The following SEMA4C variants were observed in gnomAD, a reference collection of about 807,000 sequenced individuals.
SEMA4C encodes the protein semaphorin 4C, also known as semaphorin-4C.
SEMA4C carries 19 observed loss-of-function variants against 89.0 expected under a neutral mutation model. The observed-to-expected ratio is 0.21, with a 90% CI of 0.15 to 0.31. The LOEUF is 0.31. SEMA4C is among the 10% of genes least tolerant of loss of function. SEMA4C has a pLI of 1.00. For missense variants in SEMA4C, 811 were observed against 1,107.0 expected, an observed-to-expected ratio of 0.73 and a Z score of 3.79; for synonymous variants, 428 against 472.7, an observed-to-expected ratio of 0.91 and a Z score of 1.23.
chr2:96,862,279 C>T (rs563744252), intron 12 of SEMA4C: 8 of 191,948 alleles, frequency 4.2e-5, no homozygotes, highest in African/African-American at 6.9e-5. Flanking sequence ...CCTGTTTCAA[C>T]GGTGGATGCC....
chr2:96,867,134 T>C (rs1215974340), intron 2 of SEMA4C, among the ~76,000 whole-genome samples: 1 of 152,138 alleles, frequency 6.6e-6, no homozygotes, highest in African/African-American at 2.4e-5. Flanking sequence ...TGCCGACCTG[T>C]CCTCAGGGTC....
Position 96,865,780 on chromosome 2 carries a change from T to G in SEMA4C, c.322-16A>C, listed in dbSNP as rs750587765. On this transcript the variant is annotated splice_polypyrimidine_tract_variant and intron_variant, in intron 4 of 14. Coordinates refer to ENST00000305476, the MANE Select transcript of SEMA4C (RefSeq NM_017789.5). ...AGCACTCGGTCTGGGGGCAGAAAGG[T>G]GTCCGGTTAGTGAGAGCGCGAGGGC... 2 of 1,613,826 alleles carry G rather than the reference T, an allele frequency of 1.2e-6. No individual in the cohort carries two copies. Among genetic ancestry groups the G allele is most frequent in the Admixed American group, 3.3e-5 (2 of 59,996 alleles).
At position 96,864,269 on chromosome 2, in the gene SEMA4C, G is replaced by C. The variant is rs530092585; in HGVS notation, c.1076C>G (p.Thr359Ser). 154 of 1,614,038 alleles carry C rather than the reference G, an allele frequency of 9.5e-5. No homozygotes were observed. The South Asian group carries it at 1.4e-3, about 15-fold the overall frequency. The change falls in exon 10 of 15, where the codon ACT (threonine) becomes AGT (serine). Residue 359 changes from threonine (T) to serine (S), a missense_variant. Physicochemically the swap from Thr to Ser is moderately conservative, Grantham distance 58. Transcript: ENST00000305476. This position sits in a 1 kb window ranked among gnomAD's most constrained non-coding sequence, Gnocchi z 6.3. ...AGGCCGAGGGCTGGGTACAGGGTCA[G>C]TGTAGCGGTCCCACTTCTGGGCTTC... is the stretch of plus-strand genomic sequence containing the variant. ...HEEAQKWDRY[T>S]DPVPSPRPGS...
At chr2:96,868,187 C>G (rs1389465966) in intron 1 of SEMA4C, among the ~76,000 whole-genome samples, 3 of 152,246 alleles carry the variant, frequency 2.0e-5, no homozygotes, top group African/African-American at 7.2e-5. Context: ...CCAGACCCAC[C>G]ACTACCTCTG....
intron 2 of SEMA4C, chr2:96,866,644 G>T (rs1282423365): frequency 2.8e-6 from 2 of 707,538 alleles, no homozygotes; most frequent in Admixed American, 4.0e-5. Flanking sequence ...GCAAATCCAG[G>T]CTGCTGGGAG....
chr2:96,865,727 T>C lies in SEMA4C; in HGVS notation c.359A>G (p.Tyr120Cys). 1 of 1,613,968 alleles carries C rather than the reference T, an allele frequency of 6.2e-7. No homozygotes were observed. Among genetic ancestry groups the C allele is most frequent in the Non-Finnish European group, 8.5e-7 (1 of 1,179,984 alleles). ...ACAGACGTACAGGTGGGAGGCATTG[T>C]AGGGCTGCAGGAAGCGGATGAAGTT... ...CFNFIRFLQP[Y>C]NASHLYVCGT... The change falls in exon 5 of 15, where the codon TAC becomes TGC. Residue 120 changes from tyrosine (Y) to cysteine (C), a missense_variant. This residue lies in a region of SEMA4C where 119 missense variants were observed against 152.7 expected (regional missense o/e 0.78). Coordinates refer to ENST00000305476, the MANE Select transcript of SEMA4C (RefSeq NM_017789.5).
Position 96,870,065 on chromosome 2 carries a change from C to G in SEMA4C, c.-227G>C, listed in dbSNP as rs1335647353. The G allele has an allele frequency of 1.0e-6, 1 of 977,072 alleles. No homozygotes were observed. The highest frequency in any genetic ancestry group is 1.8e-5 in the African/African-American group (1 of 57,090). 60.5% of individuals were successfully genotyped at this position (977,072 alleles called of 1,614,324 possible). On this transcript the variant is annotated 5_prime_UTR_variant, in exon 1 of 15. Transcript: ENST00000305476. ...GGGCTCCCCGCGCCACCACGGCGGGCGCCGGCTCTTTCTCCAGCGCGGCCG... is the reference window on the plus strand; with the variant it reads ...GGGCTCCCCGCGCCACCACGGCGGGGGCCGGCTCTTTCTCCAGCGCGGCCG...
intron 1 of SEMA4C, chr2:96,868,780 C>T (rs1306756462): frequency 2.0e-6 from 2 of 985,156 alleles, no homozygotes; most frequent in East Asian, 1.1e-4. Context: ...GGGTTCCTCC[C>T]GGGCCGCTGG....
chr2:96,863,441 T>C (rs1251682607), intron 12 of SEMA4C: 3 of 1,292,856 alleles, frequency 2.3e-6, no homozygotes, highest in Non-Finnish European at 3.0e-6. Flanking sequence ...GGCTTGATGC[T>C]GGGAGCGCAG....
Position 96,860,804 on chromosome 2 carries a change from C to A in SEMA4C, c.2324G>T (p.Arg775Leu). Residue 775 changes from arginine to leucine, a missense_variant, in exon 15 of 15, where the codon CGG becomes CTG. Arg to Leu is a moderately radical substitution (Grantham distance 102, BLOSUM62 -2). This residue lies in a region of SEMA4C where 248 missense variants were observed against 269.0 expected (regional missense o/e 0.92). Coordinates refer to ENST00000305476, the MANE Select transcript of SEMA4C (RefSeq NM_017789.5). The part of the protein sequence containing the change: ...IPGQPLPSPT[R>L]LHLGGGRNSN... ...GTTCCGCCCACCCCCCAGGTGAAGC[C>A]GAGTTGGAGAAGGCAGAGGCTGGCC... 1 of 1,613,780 alleles carries A rather than the reference C, an allele frequency of 6.2e-7. No homozygotes were observed. The highest frequency in any genetic ancestry group is 1.1e-5 in the South Asian group (1 of 91,084).
chr2:96,861,619 C>T lies in SEMA4C; in HGVS notation c.1632G>A (p.Ser544=), dbSNP rs759106820. 5.7e-6 allele frequency: 9 copies of T among 1,578,372 alleles called. No homozygotes were observed. Among genetic ancestry groups the T allele is most frequent in the South Asian group, 2.3e-5 (2 of 86,034 alleles). ...GGAGGTTGCAGATGCCTGAAGTGTC[C>T]GAGGTCATCACATGCTGGATCAGTA... ...GSLLIQHVMT[S]DTSGICNLRG... The change falls in exon 14 of 15, where the codon TCG becomes TCA. Residue 544 remains serine (S), a synonymous_variant. Coordinates refer to ENST00000305476, the MANE Select transcript of SEMA4C (RefSeq NM_017789.5). This position sits in a 1 kb window ranked among gnomAD's most constrained non-coding sequence, Gnocchi z 7.8.
chr2:96,860,564 T>A lies in SEMA4C; in HGVS notation c.*62A>T. On this transcript the variant is annotated 3_prime_UTR_variant, in exon 15 of 15. Coordinates refer to ENST00000305476, the MANE Select transcript of SEMA4C (RefSeq NM_017789.5). ...CGTGCCATGTCCCTGAGGTAGCTGG[T>A]GCCTGTGCAAAAGTAGGAGCTACAC... 1 of 1,440,168 alleles carries A rather than the reference T, an allele frequency of 6.9e-7. No individual in the cohort carries two copies. The highest frequency in any genetic ancestry group is 9.5e-7 in the Non-Finnish European group (1 of 1,051,958). The allele number at this position is 1,440,168 out of a possible 1,614,324, so 89.2% of individuals were successfully genotyped here. A position where few individuals can be genotyped will look rare whatever the true frequency, so the allele number is the denominator to read the frequency against.
upstream of SEMA4C, chr2:96,870,299 G>A: frequency 1.0e-6 from 1 of 985,506 alleles, no homozygotes; most frequent in Non-Finnish European, 1.2e-6. Flanking sequence ...GCTCGGAGTC[G>A]CGGGCTGCGC....
In SEMA4C at chr2:96,870,028, G is replaced by A; in HGVS notation, c.-190C>T. On this transcript the variant is annotated 5_prime_UTR_variant, in exon 1 of 15. Coordinates refer to ENST00000305476, the MANE Select transcript of SEMA4C (RefSeq NM_017789.5). ...CCCCTCCGTCCCCGCCCGGCTCCGCGCCCCTAGGCTCGGGCTCCCCGCGCC... is the reference window on the plus strand; with the variant it reads ...CCCCTCCGTCCCCGCCCGGCTCCGCACCCCTAGGCTCGGGCTCCCCGCGCC... 1.0e-6 allele frequency: 1 copy of A among 984,558 alleles called. No individual in the cohort carries two copies. The highest frequency in any genetic ancestry group is 1.2e-6 in the Non-Finnish European group (1 of 828,896). 61.0% of individuals were successfully genotyped at this position (984,558 alleles called of 1,614,324 possible).
upstream of SEMA4C, chr2:96,870,803 C>T (rs1426478610): frequency 1.0e-6 from 1 of 969,372 alleles, no homozygotes; most frequent in Non-Finnish European, 1.2e-6. Flanking sequence ...GCAGAACCAC[C>T]GCCACCTTCA....
At chr2:96,862,327 C>A in intron 12 of SEMA4C, 1 of 168,540 alleles carries the variant, frequency 5.9e-6, no homozygotes, top group South Asian at 1.7e-4. Context: ...TTTCTTTCTG[C>A]CATTATTCCA....
At position 96,864,586 on chromosome 2, in the gene SEMA4C, C is replaced by G. The variant is rs910340439; in HGVS notation, c.962+119G>C. 1 of 1,397,148 alleles carries G rather than the reference C, an allele frequency of 7.2e-7. No individual in the cohort carries two copies. The highest frequency in any genetic ancestry group is 2.1e-5 in the Admixed American group (1 of 47,324). 86.5% of individuals were successfully genotyped at this position (1,397,148 alleles called of 1,614,324 possible). The stretch of plus-strand genomic sequence containing the variant: ...GGGCAGGTGCCAGCATTCTCCTTGG[C>G]TTCTGGACACCTGGCTTCCGGGACT... On this transcript the variant is annotated intron_variant, in intron 9 of 14. Coordinates refer to ENST00000305476, the MANE Select transcript of SEMA4C (RefSeq NM_017789.5). The surrounding 1 kb of genome is among the most constrained non-coding windows in gnomAD (Gnocchi z 6.3).
At position 96,868,752 on chromosome 2, in the gene SEMA4C, A is replaced by AG. The variant is rs1204301835; in HGVS notation, c.-37-830dup. On this transcript the variant is annotated intron_variant, in intron 1 of 14. Transcript: ENST00000305476. The stretch of plus-strand genomic sequence containing the variant: ...GCGCGCGCAGGCGACGGGGGGAGGT[A>AG]GGGGCGGGGACGCGAGGGGGTTCCT... The AG allele has an allele frequency of 3.6e-5, 27 of 754,264 alleles. 1 individual carries two copies. The highest frequency in any genetic ancestry group is 4.2e-5 in the Non-Finnish European group (27 of 640,328). The allele number at this position is 754,264 out of a possible 1,614,324, so 46.7% of individuals were successfully genotyped here.
rs2079950739 is a variant in SEMA4C at position 96,861,790 on chromosome 2, A to G, written c.1548T>C (p.Tyr516=). Residue 516 remains tyrosine, a synonymous_variant, in exon 13 of 15, where the codon TAT becomes TAC. Transcript: ENST00000305476. The surrounding 1 kb of genome is among the most constrained non-coding windows in gnomAD (Gnocchi z 7.8). ...CADCVLARDP[Y]CAWSVNTSRC... ...GGCTGGTGTTGACGCTCCAGGCGCA[A>G]TAGGGGTCCCGGGCGAGGACACAGT... 1 of 1,613,346 alleles carries G rather than the reference A, an allele frequency of 6.2e-7. No individual in the cohort carries two copies. The highest frequency in any genetic ancestry group is 2.2e-5 in the East Asian group (1 of 44,882).
Sources: gnomAD v4.1 joint callset for allele counts (sites outside exome capture counted in the v4.1 genomes callset) on GRCh38, gnomAD v4.1.1 for gene constraint, gnomAD v4.1.1 regional missense constraint, Gnocchi (gnomAD v3.1) non-coding constraint, MANE v1.5 for transcripts, NCBI Gene and HGNC (gene_info 2026-07-23, HGNC 2026-07-21) for gene names.